The following DAB1 variants were observed in gnomAD, a reference collection of about 807,000 sequenced individuals.
DAB1 encodes disabled homolog 1.
DAB1 carries 15 observed loss-of-function variants against 64.6 expected under a neutral mutation model. The ratio of observed to expected loss-of-function variants is 0.23; its 90% CI spans 0.16 to 0.36. The LOEUF (loss-of-function observed/expected upper bound fraction) is 0.36, where lower values mean the gene tolerates loss of function less well. DAB1 is among the 10% of genes least tolerant of loss of function. The probability of loss-of-function intolerance (pLI) is 1.00; values close to 1 mark genes in which losing one functional copy is unlikely to be tolerated. For synonymous variants in DAB1, 235 were observed against 251.9 expected, an observed-to-expected ratio of 0.93 and a Z score of 0.64; for missense variants, 596 against 706.7, an observed-to-expected ratio of 0.84 and a Z score of 1.78.
intron 3 of DAB1, among the ~76,000 whole-genome samples, chr1:58,452,411 A>G (rs1050397385): frequency 1.3e-5 from 2 of 152,126 alleles, no homozygotes; most frequent in Non-Finnish European, 2.9e-5. Flanking sequence ...AAAAAAAAGA[A>G]GACAAAGCCA....
chr1:57,332,348 T>C (rs1478152991), intron 1 of DAB1, among the ~76,000 whole-genome samples: 1 of 150,016 alleles, frequency 6.7e-6, no homozygotes, highest in African/African-American at 2.5e-5. Context: ...ACCAAACACA[T>C]GGATAGAGAC....
intron 7 of DAB1, among the ~76,000 whole-genome samples, chr1:57,551,265 G>C (rs1037313458): frequency 1.3e-5 from 2 of 152,160 alleles, no homozygotes; most frequent in Admixed American, 6.5e-5. Flanking sequence ...GGATTGTAGG[G>C]AACATCCCAT....
At chr1:58,376,627 G>T (rs1349189317) in intron 3 of DAB1, among the ~76,000 whole-genome samples, 4 of 146,502 alleles carry the variant, frequency 2.7e-5, no homozygotes, top group South Asian at 2.1e-4. Context: ...AATAGGTGTG[G>T]TGTGGTGCTG....
Position 58,043,724 on chromosome 1 carries a change from C to T in DAB1, n.387+106787G>A, listed in dbSNP as rs140591764. ...GACAGAGTCAAACAGAGAGGATAAT[C>T]ACAACCCACATTTTTTTTTTTAAGA... On this transcript the variant is annotated intron_variant and non_coding_transcript_variant, in intron 5 of 20. Coordinates refer to the DAB1 transcript ENST00000485760. Among the ~76,000 whole-genome samples, 1,136 of 150,438 alleles carry T rather than the reference C, an allele frequency of 7.6e-3. 7 individuals carry two copies. The highest frequency in any genetic ancestry group is 9.6e-3 in the Admixed American group (146 of 15,260).
intron 3 of DAB1, among the ~76,000 whole-genome samples, chr1:58,442,376 T>C (rs1218823319): frequency 6.6e-6 from 1 of 152,190 alleles, no homozygotes; most frequent in Non-Finnish European, 1.5e-5. Context: ...ACAAGATTTC[T>C]TATTATTGTT....
chr1:57,858,543 A>G (rs1254102280), intron 1 of DAB1, among the ~76,000 whole-genome samples: 1 of 151,810 alleles, frequency 6.6e-6, no homozygotes, highest in African/African-American at 2.4e-5. Context: ...AAAAAAAGCC[A>G]TTATCATTGA....
intron 3 of DAB1, among the ~76,000 whole-genome samples, chr1:57,142,598 T>TCTCA (rs1553147849): frequency 7.7e-5 from 11 of 142,816 alleles, no homozygotes; most frequent in Admixed American, 6.3e-4. Flanking sequence ...TCACTGCAGG[T>TCTCA]CACACACACA....
chr1:58,069,985 T>C (rs116667409), intron 5 of DAB1, among the ~76,000 whole-genome samples: 3,819 of 152,312 alleles, frequency 0.025, 140 homozygotes, highest in African/African-American at 0.087. Flanking sequence ...TCTCTTTCTC[T>C]TCCTTTCAGC....
intron 4 of DAB1, among the ~76,000 whole-genome samples, chr1:58,164,426 CA>C (rs1332217840): frequency 1.3e-5 from 2 of 152,142 alleles, no homozygotes; most frequent in Non-Finnish European, 2.9e-5. Flanking sequence ...GGTATTTCTT[CA>C]AAAACATCTC....
Position 57,695,571 on chromosome 1 carries a change from G to A in DAB1, n.552-45906C>T, listed in dbSNP as rs369779822. Reference sequence around the variant, plus strand: ...GGAAAATTGCCTGTTGGAATGTGTTGCCTTGGGAGGTTGTGAATCCATGTC... The same window carrying A: ...GGAAAATTGCCTGTTGGAATGTGTTACCTTGGGAGGTTGTGAATCCATGTC... On this transcript the variant is annotated intron_variant and non_coding_transcript_variant, in intron 6 of 20. Transcript: ENST00000485760. Among the ~76,000 whole-genome samples, 13 of 152,220 alleles carry A rather than the reference G, an allele frequency of 8.5e-5. No individual in the cohort carries two copies. The East Asian group carries it at 2.3e-3, about 27-fold the overall frequency.
At chr1:58,085,944 G>A (rs1195340027) in intron 5 of DAB1, among the ~76,000 whole-genome samples, 1 of 149,464 alleles carries the variant, frequency 6.7e-6, no homozygotes, top group East Asian at 2.0e-4. Flanking sequence ...GATGCTGTGG[G>A]CTGATCTCTC....
intron 3 of DAB1, among the ~76,000 whole-genome samples, chr1:58,430,496 A>G (rs1057119034): frequency 5.3e-5 from 8 of 152,190 alleles, no homozygotes; most frequent in African/African-American, 1.9e-4. Context: ...GCTGATTTTT[A>G]GGAACTCTGT....
At chr1:58,173,949 AG>A (rs1656318118) in intron 4 of DAB1, among the ~76,000 whole-genome samples, 1 of 152,182 alleles carries the variant, frequency 6.6e-6, no homozygotes, top group Admixed American at 6.5e-5. Context: ...CAGAATAGCC[AG>A]TTTATCTACT....
In DAB1 at chr1:58,166,586, A is replaced by T. The variant is rs78606225; in HGVS notation, n.310-15998T>A. Among the ~76,000 whole-genome samples, 54 of 152,282 alleles carry T rather than the reference A, an allele frequency of 3.5e-4. 1 individual carries two copies. In the East Asian group the frequency reaches 8.3e-3, roughly 23 times the overall value. ...TGTTTCCACTTCCTTGGATACTATC[A>T]ATAATGCTGCCACGTGCATTCCCAA... On this transcript the variant is annotated intron_variant and non_coding_transcript_variant, in intron 4 of 20. Transcript: ENST00000485760.
intron 6 of DAB1, among the ~76,000 whole-genome samples, chr1:57,786,208 T>C (rs1428287828): frequency 1.3e-5 from 2 of 152,202 alleles, no homozygotes; most frequent in Non-Finnish European, 2.9e-5. Flanking sequence ...CAGTATAGTA[T>C]AAAGATAACA....
downstream of DAB1, among the ~76,000 whole-genome samples, chr1:57,822,662 T>G (rs1001495591): frequency 6.6e-6 from 1 of 152,176 alleles, no homozygotes; most frequent in African/African-American, 2.4e-5. Flanking sequence ...AGAAGGTTAA[T>G]GATGTTACTC....
chr1:58,164,371 CAGT>C (rs1467315061), intron 4 of DAB1, among the ~76,000 whole-genome samples: 8 of 152,188 alleles, frequency 5.3e-5, no homozygotes, highest in Admixed American at 2.6e-4. Flanking sequence ...ATACTGAAAT[CAGT>C]GGTGAGTATG....
intron 9 of DAB1, among the ~76,000 whole-genome samples, chr1:57,046,847 T>C (rs554600911): frequency 9.9e-5 from 15 of 152,206 alleles, no homozygotes; most frequent in Middle Eastern, 3.4e-3. Context: ...GGACAAAGAG[T>C]TTCAGGGACA....
At chr1:57,147,592 C>G (rs1200106025) in intron 2 of DAB1, among the ~76,000 whole-genome samples, 2 of 152,106 alleles carry the variant, frequency 1.3e-5, no homozygotes, top group African/African-American at 4.8e-5. Context: ...ATGTCAGAGA[C>G]TAGAGCTAAG....
Sources: gnomAD v4.1 joint callset for allele counts (sites outside exome capture counted in the v4.1 genomes callset) on GRCh38, gnomAD v4.1.1 for gene constraint, MANE v1.5 for transcripts, NCBI Gene and HGNC (gene_info 2026-07-23, HGNC 2026-07-21) for gene names.